ACTR3C: variants seen among roughly 807,000 people sequenced by gnomAD.
The protein encoded by ACTR3C is actin related protein 3C, also known as actin-related protein 3C.
ACTR3C carries 18 observed loss-of-function variants against 26.3 expected under a neutral mutation model. That is an observed-to-expected ratio of 0.68 (90% CI 0.47 to 1.01). The LOEUF is 1.01. ACTR3C is among the 50% of genes least tolerant of loss of function. The probability of loss-of-function intolerance (pLI) is 0.00; values close to 1 mark genes in which losing one functional copy is unlikely to be tolerated. For missense variants in ACTR3C, 184 were observed against 250.7 expected (o/e 0.73, Z 1.80); for synonymous variants, 55 against 94.5 (o/e 0.58, Z 2.42).
chr7:149,985,207 A>AACACACACAC, the ACTR3C span, among the ~76,000 whole-genome samples: 991 of 130,818 alleles, frequency 7.6e-3, 16 homozygotes, highest in Middle Eastern at 0.04. Context: ...CAAACAAAGC[A>AACACACACAC]ACACACACAC....
the ACTR3C span, among the ~76,000 whole-genome samples, chr7:150,176,168 G>A: frequency 6.6e-6 from 1 of 150,698 alleles, no homozygotes; most frequent in Non-Finnish European, 1.5e-5. Context: ...AAATTAACTT[G>A]GCACAAAGAT....
the ACTR3C span, among the ~76,000 whole-genome samples, chr7:150,152,350 G>A: frequency 6.6e-6 from 1 of 152,104 alleles, no homozygotes; most frequent in Non-Finnish European, 1.5e-5. Flanking sequence ...TTAGCATGAA[G>A]CGTTGTTGAA....
the ACTR3C span, among the ~76,000 whole-genome samples, chr7:149,948,414 A>T: frequency 6.6e-6 from 1 of 150,926 alleles, no homozygotes; most frequent in Admixed American, 6.6e-5. Flanking sequence ...TTTCCAGAAG[A>T]GGCAGGTGGG....
At chr7:150,017,407 G>GAA in the ACTR3C span, among the ~76,000 whole-genome samples, 2 of 150,736 alleles carry the variant, frequency 1.3e-5, no homozygotes, top group African/African-American at 2.5e-5. Context: ...CACAGACCAG[G>GAA]TCCATTCTCC....
chr7:150,026,633 T>G, the ACTR3C span, among the ~76,000 whole-genome samples: 2 of 152,074 alleles, frequency 1.3e-5, no homozygotes, highest in African/African-American at 4.8e-5. Context: ...TTAAATTTTC[T>G]GTTAAACTAA....
intron 6 of ACTR3C, among the ~76,000 whole-genome samples, chr7:150,265,848 T>G (rs1047208956): frequency 2.0e-5 from 3 of 152,122 alleles, no homozygotes; most frequent in Admixed American, 6.5e-5. Context: ...CACACACATC[T>G]AGGAGCGGGG....
At chr7:150,045,630 A>C in the ACTR3C span, among the ~76,000 whole-genome samples, 264 of 151,528 alleles carry the variant, frequency 1.7e-3, 1 homozygote, top group African/African-American at 6.2e-3. Flanking sequence ...ACCCCATTAA[A>C]AAATGTACAT....
chr7:150,146,363 C>A, the ACTR3C span, among the ~76,000 whole-genome samples: 1 of 152,178 alleles, frequency 6.6e-6, no homozygotes, highest in Non-Finnish European at 1.5e-5. Context: ...CAAACACAAT[C>A]CATCACCTCT....
At chr7:150,307,294 T>C (rs538060642) in intron 1 of ACTR3C, among the ~76,000 whole-genome samples, 1 of 152,346 alleles carries the variant, frequency 6.6e-6, no homozygotes, top group African/African-American at 2.4e-5. Flanking sequence ...CCTGCACATG[T>C]ACATCCAGAT....
At chr7:150,269,507 ACCGG>A (rs1240766245) in intron 6 of ACTR3C, among the ~76,000 whole-genome samples, 1 of 149,258 alleles carries the variant, frequency 6.7e-6, no homozygotes, top group Non-Finnish European at 1.5e-5. Flanking sequence ...TGGCGTCAGC[ACCGG>A]CCCAGGGAAG....
At chr7:149,905,957 C>G in the ACTR3C span, among the ~76,000 whole-genome samples, 14 of 152,004 alleles carry the variant, frequency 9.2e-5, no homozygotes, top group African/African-American at 3.4e-4. Flanking sequence ...TCTCAGGAAA[C>G]TAGCAGATAC....
At chr7:150,159,441 A>C in the ACTR3C span, among the ~76,000 whole-genome samples, 1 of 152,162 alleles carries the variant, frequency 6.6e-6, no homozygotes, top group Non-Finnish European at 1.5e-5. Flanking sequence ...TTTGGAAATG[A>C]AAAGTAGGCA....
At chr7:150,129,286 G>T in the ACTR3C span, among the ~76,000 whole-genome samples, 1 of 152,058 alleles carries the variant, frequency 6.6e-6, no homozygotes, top group East Asian at 1.9e-4. Flanking sequence ...GTAACATACT[G>T]AATGGTTGAA....
chr7:150,198,741 CG>C, the ACTR3C span, among the ~76,000 whole-genome samples: 1 of 143,048 alleles, frequency 7.0e-6, no homozygotes, highest in Non-Finnish European at 1.5e-5. Flanking sequence ...CCACCCCGTC[CG>C]GGAGGGAGGT....
chr7:149,907,500 C>G, the ACTR3C span, among the ~76,000 whole-genome samples: 1 of 151,136 alleles, frequency 6.6e-6, no homozygotes, highest in South Asian at 2.1e-4. Context: ...CTCTCTCTCT[C>G]TCTCTCTCTC....
At chr7:150,136,478 T>C in the ACTR3C span, among the ~76,000 whole-genome samples, 6 of 152,120 alleles carry the variant, frequency 3.9e-5, no homozygotes, top group Non-Finnish European at 7.4e-5. Flanking sequence ...GAGATCAGCT[T>C]GACCAACATG....
the ACTR3C span, among the ~76,000 whole-genome samples, chr7:150,194,510 C>A: frequency 3.3e-5 from 5 of 150,218 alleles, no homozygotes; most frequent in African/African-American, 4.9e-5. Context: ...CTTTTTTAAT[C>A]CAATCTGACC....
chr7:150,020,144 T>C, the ACTR3C span, among the ~76,000 whole-genome samples: 75 of 152,212 alleles, frequency 4.9e-4, no homozygotes, highest in African/African-American at 1.6e-3. Context: ...CTTAGTCAAA[T>C]AGGAACATTC....
chr7:150,034,682 G>A, the ACTR3C span, among the ~76,000 whole-genome samples: 10,821 of 113,936 alleles, frequency 0.095, 86 homozygotes, highest in South Asian at 0.12. Flanking sequence ...ACCTGCCGTC[G>A]GAAGATTTGA....
Sources: gnomAD v4.1 joint callset for allele counts (sites outside exome capture counted in the v4.1 genomes callset) on GRCh38, gnomAD v4.1.1 for gene constraint, MANE v1.5 for transcripts, NCBI Gene and HGNC (gene_info 2026-07-23, HGNC 2026-07-21) for gene names.